The following ZNF385D variants were observed in gnomAD, a reference collection of about 807,000 sequenced individuals.
The protein encoded by ZNF385D is zinc finger protein 659.
In ZNF385D, 15 loss-of-function variants were observed where a neutral mutation model predicts 35.8. That is an observed-to-expected ratio of 0.42 (90% CI 0.28 to 0.64). The LOEUF (loss-of-function observed/expected upper bound fraction) is 0.64. Among genes scored for constraint, ZNF385D ranks in the 30% least tolerant of loss-of-function variants. ZNF385D has a pLI of 0.23. For synonymous variants in ZNF385D, 212 were observed against 186.8 expected (o/e 1.13, Z -1.10); for missense variants, 474 against 494.6 (o/e 0.96, Z 0.39).
At chr3:21,823,664 A>C (rs1197917772) in intron 3 of ZNF385D, among the ~76,000 whole-genome samples, 1 of 152,244 alleles carries the variant, frequency 6.6e-6, no homozygotes, top group Non-Finnish European at 1.5e-5. Context: ...AAACTCAACC[A>C]GTGAAACAAA....
intron 3 of ZNF385D, among the ~76,000 whole-genome samples, chr3:21,759,462 A>G (rs1489510034): frequency 6.6e-6 from 1 of 152,142 alleles, no homozygotes; most frequent in Non-Finnish European, 1.5e-5. Flanking sequence ...AAAGGCTTAA[A>G]TTTTATTTGA....
intron 2 of ZNF385D, among the ~76,000 whole-genome samples, chr3:21,660,640 C>A (rs1462591933): frequency 2.6e-5 from 4 of 152,014 alleles, no homozygotes; most frequent in Non-Finnish European, 5.9e-5. Flanking sequence ...TAGGAGAAAA[C>A]TGTCATAAAA....
chr3:22,335,660 T>A (rs1296265258), intron 2 of ZNF385D, among the ~76,000 whole-genome samples: 1 of 152,152 alleles, frequency 6.6e-6, no homozygotes, highest in Non-Finnish European at 1.5e-5. Context: ...CTGATGGTCT[T>A]TGCCTGAAGA....
At chr3:22,215,464 T>C (rs1343925070) in intron 2 of ZNF385D, among the ~76,000 whole-genome samples, 1 of 151,942 alleles carries the variant, frequency 6.6e-6, no homozygotes, top group African/African-American at 2.4e-5. Flanking sequence ...GGCGGCCGTC[T>C]TTTATGGTCG....
chr3:22,105,030 T>C (rs1702133629), intron 3 of ZNF385D, among the ~76,000 whole-genome samples: 1 of 152,134 alleles, frequency 6.6e-6, no homozygotes, highest in African/African-American at 2.4e-5. Context: ...CTAACATGTT[T>C]AAAATTAAAC....
chr3:21,838,142 G>C (rs964329018), intron 3 of ZNF385D, among the ~76,000 whole-genome samples: 3 of 152,066 alleles, frequency 2.0e-5, no homozygotes, highest in African/African-American at 7.2e-5. Context: ...CAGAAGAACA[G>C]TGTTTGGAAG....
intron 3 of ZNF385D, among the ~76,000 whole-genome samples, chr3:22,148,689 A>T (rs1474603962): frequency 6.6e-6 from 1 of 152,196 alleles, no homozygotes; most frequent in Admixed American, 6.5e-5. Context: ...ACATGGTCGT[A>T]ATTAGTATGG....
At chr3:21,501,970 A>G (rs759945877) in intron 4 of ZNF385D, among the ~76,000 whole-genome samples, 2 of 151,998 alleles carry the variant, frequency 1.3e-5, no homozygotes, top group Non-Finnish European at 2.9e-5. Context: ...CTGGTAAAGA[A>G]AGACAGTCAA....
chr3:21,830,176 G>T (rs966970245), intron 3 of ZNF385D, among the ~76,000 whole-genome samples: 3 of 152,074 alleles, frequency 2.0e-5, no homozygotes, highest in Non-Finnish European at 4.4e-5. Context: ...TTGCATTTAA[G>T]CTTCTAATTA....
chr3:22,134,795 C>G (rs549400588), intron 3 of ZNF385D, among the ~76,000 whole-genome samples: 3 of 152,148 alleles, frequency 2.0e-5, no homozygotes, highest in South Asian at 4.1e-4. Flanking sequence ...GGTAGAAGGA[C>G]AAGAGAGAGA....
In ZNF385D at chr3:21,845,058, G is replaced by T. The variant is rs111556618; in HGVS notation, c.326-180030C>A. 1.3e-5 allele frequency among the ~76,000 whole-genome samples: 2 copies of T among 151,812 alleles called. 1 individual carries two copies. Among genetic ancestry groups the T allele is most frequent in the East Asian group, 3.9e-4 (2 of 5,162 alleles). ...GAAAAAAGAGAAAAGAAATGTTAAC[G>T]CAGGTCTTAAAGTTGCTTTGCGACA... On this transcript the variant is annotated intron_variant, in intron 3 of 5. Coordinates refer to the ZNF385D transcript ENST00000494108.
intron 2 of ZNF385D, among the ~76,000 whole-genome samples, chr3:21,590,774 TA>T (rs1202385868): frequency 3.9e-5 from 6 of 152,156 alleles, no homozygotes; most frequent in African/African-American, 1.4e-4. Flanking sequence ...TGAGAAAACC[TA>T]AAACATAAAT....
intron 1 of ZNF385D, among the ~76,000 whole-genome samples, chr3:21,717,510 T>G (rs1007197928): frequency 1.3e-5 from 2 of 152,214 alleles, no homozygotes; most frequent in African/African-American, 4.8e-5. Flanking sequence ...AGCCTCAGCA[T>G]GTCACTCCTC....
intron 3 of ZNF385D, among the ~76,000 whole-genome samples, chr3:21,984,447 C>G (rs1356021441): frequency 1.1e-4 from 14 of 131,850 alleles, no homozygotes; most frequent in East Asian, 2.3e-4. Flanking sequence ...GCTTGTTTTT[C>G]TCAGGTTTGT....
At chr3:21,623,047 T>G (rs1038805148) in intron 2 of ZNF385D, among the ~76,000 whole-genome samples, 3 of 152,118 alleles carry the variant, frequency 2.0e-5, no homozygotes, top group African/African-American at 7.2e-5. Flanking sequence ...TATAACATGT[T>G]CGAGCACAGG....
chr3:22,074,256 TC>T (rs2125568636), intron 3 of ZNF385D, among the ~76,000 whole-genome samples: 1 of 152,096 alleles, frequency 6.6e-6, no homozygotes, highest in Non-Finnish European at 1.5e-5. Context: ...TCCACAATGA[TC>T]AGCTGGAGTG....
At chr3:21,787,441 C>T (rs999737367) in intron 3 of ZNF385D, among the ~76,000 whole-genome samples, 1 of 152,072 alleles carries the variant, frequency 6.6e-6, no homozygotes, top group African/African-American at 2.4e-5. Flanking sequence ...GGAATACCCA[C>T]CCCTAAGCCC....
chr3:21,840,351 C>A (rs541861461), intron 3 of ZNF385D, among the ~76,000 whole-genome samples: 1 of 152,016 alleles, frequency 6.6e-6, no homozygotes, highest in Admixed American at 6.6e-5. Flanking sequence ...CAAGTGGTAT[C>A]ACTTTTACTT....
rs1179370507 is a variant in ZNF385D, at chr3:21,983,614, G to A, written c.325+185203C>T. On this transcript the variant is annotated intron_variant, in intron 3 of 5. Coordinates refer to the ZNF385D transcript ENST00000494108. ...AGTCTTTGCTATTGTGAATAATGCC[G>A]CAATAAACATACGTGTGCATGTGTC... 1.6e-4 allele frequency among the ~76,000 whole-genome samples: 22 copies of A among 137,698 alleles called. 1 individual carries two copies. The highest frequency in any genetic ancestry group is 3.7e-3 in the Middle Eastern group (1 of 272). The allele number at this position is 137,698 out of a possible 152,430, so 90.3% of individuals were successfully genotyped here. A position where few individuals can be genotyped will look rare whatever the true frequency, so the allele number is the denominator to read the frequency against.
Sources: gnomAD v4.1 joint callset for allele counts (sites outside exome capture counted in the v4.1 genomes callset) on GRCh38, gnomAD v4.1.1 for gene constraint, MANE v1.5 for transcripts, NCBI Gene and HGNC (gene_info 2026-07-23, HGNC 2026-07-21) for gene names.